WDR87: variants seen among roughly 807,000 people sequenced by gnomAD.
WDR87 encodes the protein WD repeat domain 87, also known as WD repeat-containing protein 87.
Under a neutral mutation model 83.3 loss-of-function variants are expected in WDR87, and 56 were observed. The ratio of observed to expected loss-of-function variants is 0.67; its 90% CI spans 0.54 to 0.84. The LOEUF (loss-of-function observed/expected upper bound fraction) is 0.84. Among genes scored for constraint, WDR87 ranks in the 40% least tolerant of loss-of-function variants. The pLI, the probability that WDR87 is intolerant of heterozygous loss-of-function variation, is 0.00. For synonymous variants in WDR87, 1,173 were observed against 1,250.6 expected (o/e 0.94, Z 1.31); for missense variants, 2,939 against 3,431.9 (o/e 0.86, Z 3.59).
At chr19:37,892,497 G>A (rs2046214349) in intron 4 of WDR87, 81 bp downstream of exon 4, 1 of 1,261,620 alleles carries the variant, frequency 7.9e-7, no homozygotes, top group African/African-American at 1.5e-5. Flanking sequence ...GAGAATTAAT[G>A]AACAGGGATG....
At position 37,890,260 on chromosome 19, in the gene WDR87, C is replaced by T; in HGVS notation, c.3411G>A (p.Arg1137=). Residue 1137 remains arginine, a synonymous_variant, in exon 6 of 6, where the codon CGG becomes CGA. Transcript: ENST00000447313. ...GVKKHSQKWL[R]GLKKTKERDS... Reference sequence around the variant, plus strand: ...CTCTCTCTTTCGTCTTCTTGAGACCCCGCAACCATTTTTGGCCTGCAGTAA... The same window carrying T: ...CTCTCTCTTTCGTCTTCTTGAGACCTCGCAACCATTTTTGGCCTGCAGTAA... The T allele has an allele frequency of 1.3e-6, 2 of 1,527,964 alleles. No individual in the cohort carries two copies. The highest frequency in any genetic ancestry group is 1.8e-6 in the Non-Finnish European group (2 of 1,133,378). The allele number at this position is 1,527,964 out of a possible 1,614,324, so 94.7% of individuals were successfully genotyped here. A position where few individuals can be genotyped will look rare whatever the true frequency, so the allele number is the denominator to read the frequency against.
At chr19:37,897,028 C>T (rs921712376) in intron 2 of WDR87, among the ~76,000 whole-genome samples, 43 of 152,022 alleles carry the variant, frequency 2.8e-4, no homozygotes, top group African/African-American at 8.9e-4. Context: ...TGGAATATAG[C>T]GGAATCTCCC....
Position 37,885,030 on chromosome 19 carries a change from C to T in WDR87, c.8641G>A (p.Ala2881Thr). 6.9e-7 allele frequency: 1 copy of T among 1,445,188 alleles called. No individual in the cohort carries two copies. The highest frequency in any genetic ancestry group is 9.1e-7 in the Non-Finnish European group (1 of 1,097,074). The allele number at this position is 1,445,188 out of a possible 1,614,324, so 89.5% of individuals were successfully genotyped here. Reference protein sequence around the residue: ...CVRTILPVGIARYGILELAWK... With the variant: ...CVRTILPVGITRYGILELAWK... ...GCAAGTTCTAAGATCCCATACCGGGCAATGCCCACGGGAAGGATGGTGCGC... is the reference window on the plus strand; with the variant it reads ...GCAAGTTCTAAGATCCCATACCGGGTAATGCCCACGGGAAGGATGGTGCGC... The change falls in exon 6 of 6, where the codon GCC becomes ACC. Residue 2881 changes from alanine (A) to threonine (T), a missense_variant. By Grantham distance (58) the Ala-to-Thr change is moderately conservative. Around this residue, in one of 3 missense-constraint regions of WDR87, gnomAD observed 2,160 missense variants for 2,533.1 expected, o/e 0.85. Coordinates refer to ENST00000447313, the MANE Select transcript of WDR87 (RefSeq NM_001291088.2).
In WDR87 at chr19:37,901,765, G is replaced by A. The variant is rs183425536; in HGVS notation, c.-46-3480C>T. On this transcript the variant is annotated intron_variant, in intron 1 of 5. Coordinates refer to ENST00000447313, the MANE Select transcript of WDR87 (RefSeq NM_001291088.2). ...GTCTCGCTCTGTTGCCCGGGCTGGA[G>A]TGCAGTAGTAGAGTCACAGTTCACT... Among the ~76,000 whole-genome samples, 179 of 152,006 alleles carry A rather than the reference G, an allele frequency of 1.2e-3. 2 individuals are homozygous for A. The highest frequency in any genetic ancestry group is 1.2e-3 in the South Asian group (6 of 4,814).
Position 37,889,499 on chromosome 19 carries a change from T to G in WDR87, c.4172A>C (p.Lys1391Thr), listed in dbSNP as rs746853645. Reference protein sequence around the residue: ...VMPREEEQAQKKARDMLGLEE... With the variant: ...VMPREEEQAQTKARDMLGLEE... The stretch of plus-strand genomic sequence containing the variant: ...CAAGCCCAGCATGTCTCTTGCTTTC[T>G]TTTGTGCTTGTTCTTCTTCCCTTGG... The change falls in exon 6 of 6, where the codon AAG becomes ACG. Residue 1391 changes from lysine (K) to threonine (T), a missense_variant. Physicochemically the swap from Lys to Thr is moderately conservative, Grantham distance 78. Transcript: ENST00000447313. 1 of 1,551,798 alleles carries G rather than the reference T, an allele frequency of 6.4e-7. No homozygotes were observed. Among genetic ancestry groups the G allele is most frequent in the African/African-American group, 1.4e-5 (1 of 73,154 alleles).
rs747918311 is a variant in WDR87, at chr19:37,884,900, A to G, written c.*32T>C. The G allele has an allele frequency of 3.7e-5, 47 of 1,271,176 alleles. No homozygotes were observed. The highest frequency in any genetic ancestry group is 2.0e-4 in the Middle Eastern group (1 of 4,922). The allele number at this position is 1,271,176 out of a possible 1,614,324, so 78.7% of individuals were successfully genotyped here. On this transcript the variant is annotated 3_prime_UTR_variant, in exon 6 of 6. Coordinates refer to ENST00000447313, the MANE Select transcript of WDR87 (RefSeq NM_001291088.2). The stretch of plus-strand genomic sequence containing the variant: ...TAATTAGGCCTTTCTCCAGTTGGCA[A>G]TGAAAAGTCCCAGCCTCCAGTCAGT...
In WDR87 at chr19:37,892,616, T is replaced by G; in HGVS notation, c.3087A>C (p.Leu1029Phe). ...EIGIHSRTSL[L>F]QLTQKQETFR... is the part of the protein sequence containing the mutation. ...AAGTCTCTTGTTTTTGGGTCAGCTG[T>G]AAGAGTGAGGTCCTAGAGTGGATTC... Residue 1029 changes from leucine to phenylalanine, a missense_variant, in exon 4 of 6, where the codon TTA becomes TTC. Physicochemically the swap from Leu to Phe is conservative, Grantham distance 22 (BLOSUM62 0). Transcript: ENST00000447313. 1 of 1,524,202 alleles carries G rather than the reference T, an allele frequency of 6.6e-7. No individual in the cohort carries two copies. The highest frequency in any genetic ancestry group is 8.9e-7 in the Non-Finnish European group (1 of 1,128,682). The allele number at this position is 1,524,202 out of a possible 1,614,324, so 94.4% of individuals were successfully genotyped here.
At chr19:37,895,967 A>G in intron 3 of WDR87, 171 bp downstream of exon 3, 1 of 928,230 alleles carries the variant, frequency 1.1e-6, no homozygotes, top group Non-Finnish European at 1.6e-6. Context: ...CGGGGGAACC[A>G]TACAACCTAC....
In WDR87 at chr19:37,887,495, T is replaced by A. The variant is rs1228128584; in HGVS notation, c.6176A>T (p.Glu2059Val). ...LSLEEKILLH[E>V]DRILAMEESE... is the part of the protein sequence containing the mutation. ...TTCCTCCATGGCCAATATCCTGTCT[T>A]CATGTAGCAGTATCTTCTCCTCTAG... is the stretch of plus-strand genomic sequence containing the variant. Residue 2059 changes from glutamate to valine, a missense_variant, in exon 6 of 6, where the codon GAA becomes GTA. Glu to Val is a moderately radical substitution (Grantham distance 121, BLOSUM62 -2). Coordinates refer to ENST00000447313, the MANE Select transcript of WDR87 (RefSeq NM_001291088.2). The A allele has an allele frequency of 1.7e-5, 27 of 1,551,808 alleles. No homozygotes were observed. The highest frequency in any genetic ancestry group is 2.1e-5 in the Non-Finnish European group (24 of 1,147,044).
Position 37,894,032 on chromosome 19 carries a change from G to A in WDR87, c.1671C>T (p.Ser557=). The A allele has an allele frequency of 6.4e-7, 1 of 1,551,976 alleles. No homozygotes were observed. Among genetic ancestry groups the A allele is most frequent in the Non-Finnish European group, 8.7e-7 (1 of 1,147,062 alleles). The change falls in exon 4 of 6, where the codon AGC becomes AGT. Residue 557 remains serine (S), a synonymous_variant. Coordinates refer to ENST00000447313, the MANE Select transcript of WDR87 (RefSeq NM_001291088.2). ...AGAGTATCAGATGTGTTAGGTGACA[G>A]CTGCTGAGAATGCTGGCGAGAGGCC... ...QLRPLASILS[S]CHLTHLILLP...
At position 37,887,413 on chromosome 19, in the gene WDR87, CT is replaced by C. The variant is rs1266260384; in HGVS notation, c.6257del (p.Gln2086ArgfsTer6). ...AAGCCTTGGCTAACTTTCTTTGCCC[CT>C]GGACAAATATTCTCTGTCCTCTAGT... The part of the protein sequence containing the change: ...EFTRGQRIFV[Q>X]GQRKLAKASR... On this transcript the variant is annotated frameshift_variant, in exon 6 of 6. Coordinates refer to ENST00000447313, the MANE Select transcript of WDR87 (RefSeq NM_001291088.2). LOFTEE classifies it low-confidence loss of function (END_TRUNC). The C allele has an allele frequency of 6.4e-7, 1 of 1,551,656 alleles. No homozygotes were observed. The highest frequency in any genetic ancestry group is 2.0e-5 in the Admixed American group (1 of 50,994).
At chr19:37,890,680 T>TTCCC (rs989411400) in intron 5 of WDR87, among the ~76,000 whole-genome samples, 1 of 152,128 alleles carries the variant, frequency 6.6e-6, no homozygotes, top group Non-Finnish European at 1.5e-5. Flanking sequence ...TCCCCCTAAA[T>TTCCC]TCCCTCCTAT....
chr19:37,889,470 C>T lies in WDR87; in HGVS notation c.4201G>A (p.Glu1401Lys), dbSNP rs1033689044. The change falls in exon 6 of 6, where the codon GAA becomes AAA. Residue 1401 changes from glutamate to lysine, a missense_variant. By Grantham distance (56) the Glu-to-Lys change is moderately conservative (BLOSUM62 1). This residue lies in a region of WDR87 where 2,160 missense variants were observed against 2,533.1 expected (regional missense o/e 0.85). Transcript: ENST00000447313. ...CCCTTTTTCAAAATCACTTGGGTTT[C>T]CTCCAAGCCCAGCATGTCTCTTGCT... ...KKARDMLGLE[E>K]TQVILKKGKK... 7.7e-6 allele frequency: 12 copies of T among 1,551,760 alleles called. No homozygotes were observed. The highest frequency in any genetic ancestry group is 6.8e-5 in the African/African-American group (5 of 73,154).
rs1301632231 is a variant in WDR87 at position 37,894,012 on chromosome 19, A to G, written c.1691T>C (p.Ile564Thr). 1 of 1,551,898 alleles carries G rather than the reference A, an allele frequency of 6.4e-7. No individual in the cohort carries two copies. Among genetic ancestry groups the G allele is most frequent in the Admixed American group, 2.0e-5 (1 of 51,010 alleles). ...GGCACCCACAGACTTGGGCAAGAGT[A>G]TCAGATGTGTTAGGTGACAGCTGCT... ...ILSSCHLTHLILLPKSVGAIT... is the reference protein window; with the variant it reads ...ILSSCHLTHLTLLPKSVGAIT... The change falls in exon 4 of 6, where the codon ATA (isoleucine) becomes ACA (threonine). Residue 564 changes from isoleucine to threonine, a missense_variant. Ile to Thr is a moderately conservative substitution (Grantham distance 89). Around this residue, in one of 3 missense-constraint regions of WDR87, gnomAD observed 553 missense variants for 577.9 expected, o/e 0.96. Coordinates refer to ENST00000447313, the MANE Select transcript of WDR87 (RefSeq NM_001291088.2).
In WDR87 at chr19:37,886,040, T is replaced by C. The variant is rs1248696978; in HGVS notation, c.7631A>G (p.Gln2544Arg). 1 of 1,551,630 alleles carries C rather than the reference T, an allele frequency of 6.4e-7. No individual in the cohort carries two copies. Among genetic ancestry groups the C allele is most frequent in the Non-Finnish European group, 8.7e-7 (1 of 1,147,018 alleles). Reference protein sequence around the residue: ...HPPLMGQTEVQLPLSQIPAKE... With the variant: ...HPPLMGQTEVRLPLSQIPAKE... ...AGCTGGGATTTGGGAGAGAGGTAAC[T>C]GTACCTCAGTCTGTCCCATCAGAGG... is the stretch of plus-strand genomic sequence containing the variant. Residue 2544 changes from glutamine to arginine, a missense_variant, in exon 6 of 6, where the codon CAG (glutamine) becomes CGG (arginine). Coordinates refer to ENST00000447313, the MANE Select transcript of WDR87 (RefSeq NM_001291088.2).
rs1185528585 is a variant in WDR87 at position 37,904,791 on chromosome 19, C to T, written c.-47+1708G>A. On this transcript the variant is annotated intron_variant, in intron 1 of 5. Transcript: ENST00000447313. ...AGTTACTAGCTGCAGGGTATTCCAC[C>T]GTGTGGCTGAACTATCATTTATTTA... 2.6e-5 allele frequency among the ~76,000 whole-genome samples: 4 copies of T among 152,180 alleles called. No homozygotes were observed. In the South Asian group the frequency reaches 6.2e-4, roughly 24 times the overall value.
Position 37,895,415 on chromosome 19 carries a change from C to T in WDR87, c.288G>A (p.Glu96=). 1 of 1,551,674 alleles carries T rather than the reference C, an allele frequency of 6.4e-7. No individual in the cohort carries two copies. Residue 96 remains glutamate (E), a synonymous_variant, in exon 4 of 6, where the codon GAG becomes GAA. Coordinates refer to ENST00000447313, the MANE Select transcript of WDR87 (RefSeq NM_001291088.2). ...WMKSKTEDMV[E]KRTFSMTERL... is the part of the protein sequence containing the mutation. ...GTTCAGTCATGGAGAATGTTCTTTT[C>T]TCAACCATGTCCTCAGTTTTGCTCT...
In WDR87 at chr19:37,891,772, C is replaced by A; in HGVS notation, c.3174G>T (p.Arg1058=). 6.4e-7 allele frequency: 1 copy of A among 1,552,232 alleles called. No individual in the cohort carries two copies. Among genetic ancestry groups the A allele is most frequent in the Non-Finnish European group, 8.7e-7 (1 of 1,147,134 alleles). The change falls in exon 5 of 6, where the codon CGG becomes CGT. Residue 1058 remains arginine (R), a synonymous_variant. Coordinates refer to ENST00000447313, the MANE Select transcript of WDR87 (RefSeq NM_001291088.2). ...TGGAAAGGATTTGGAGATCTGTGGC[C>A]CGCATCCCCAGTAGATGGTCCAGGG... is the stretch of plus-strand genomic sequence containing the variant. ...EEPLDHLLGM[R]ATDLQILSTQ... is the part of the protein sequence containing the mutation.
chr19:37,898,414 A>G (rs980463944), intron 1 of WDR87, 129 bp from the exon 2 acceptor site: 7 of 1,195,816 alleles, frequency 5.9e-6, no homozygotes, highest in Non-Finnish European at 7.9e-6. Flanking sequence ...CACAAGACAT[A>G]CCTTCTCATT....
Sources: gnomAD v4.1 joint callset for allele counts (sites outside exome capture counted in the v4.1 genomes callset) on GRCh38, gnomAD v4.1.1 for gene constraint, gnomAD v4.1.1 regional missense constraint, MANE v1.5 for transcripts, NCBI Gene and HGNC (gene_info 2026-07-23, HGNC 2026-07-21) for gene names.